Variants in LRMDA observed in about 807,000 individuals in gnomAD.
LRMDA encodes the protein leucine rich melanocyte differentiation associated, also known as leucine-rich melanocyte differentiation-associated protein.
Under a neutral mutation model 29.8 loss-of-function variants are expected in LRMDA, and 18 were observed. The observed-to-expected ratio is 0.60, with a 90% confidence interval of 0.42 to 0.90. The LOEUF (loss-of-function observed/expected upper bound fraction) is 0.90. Ranked by LOEUF, LRMDA falls within the 40% of genes least tolerant of loss-of-function variation. The pLI is 0.00. For synonymous variants in LRMDA, 125 were observed against 109.4 expected (o/e 1.14, Z -0.89); for missense variants, 273 against 273.9 (o/e 1.00, Z 0.02).
At chr10:76,072,582 A>G (rs1848892381) in intron 5 of LRMDA, among the ~76,000 whole-genome samples, 1 of 152,238 alleles carries the variant, frequency 6.6e-6, no homozygotes, top group South Asian at 2.1e-4. Context: ...CCACTTAGCC[A>G]GAGATCAGTG....
chr10:76,528,935 C>T (rs1843206110), intron 6 of LRMDA, among the ~76,000 whole-genome samples: 1 of 152,112 alleles, frequency 6.6e-6, no homozygotes, highest in African/African-American at 2.4e-5. Flanking sequence ...CTGCTATGCT[C>T]AACAGCATAG....
chr10:75,852,544 A>AC (rs1477554150), intron 2 of LRMDA, among the ~76,000 whole-genome samples: 1 of 149,536 alleles, frequency 6.7e-6, no homozygotes, highest in African/African-American at 2.4e-5. Context: ...AACAACAACA[A>AC]AAAAAACAAC....
intron 5 of LRMDA, among the ~76,000 whole-genome samples, chr10:76,250,352 T>G (rs1028491654): frequency 2.0e-5 from 3 of 152,210 alleles, no homozygotes; most frequent in Non-Finnish European, 4.4e-5. Context: ...ATTGAGTGGA[T>G]ATAATGGGAT....
intron 2 of LRMDA, among the ~76,000 whole-genome samples, chr10:75,540,527 T>C (rs1166577488): frequency 6.6e-6 from 1 of 152,238 alleles, no homozygotes; most frequent in Non-Finnish European, 1.5e-5. Flanking sequence ...TTATTTCCAC[T>C]TGGCTGGTTT....
chr10:75,875,413 T>C (rs1845179597), intron 2 of LRMDA, among the ~76,000 whole-genome samples: 2 of 152,160 alleles, frequency 1.3e-5, no homozygotes, highest in African/African-American at 2.4e-5. Flanking sequence ...CATTTGGCCA[T>C]TTCTTTCCTT....
chr10:75,794,857 T>C (rs1361229673), intron 2 of LRMDA, among the ~76,000 whole-genome samples: 1 of 152,228 alleles, frequency 6.6e-6, no homozygotes, highest in African/African-American at 2.4e-5. Context: ...TTTCAAATTT[T>C]TCTTCCAGTT....
At chr10:75,825,648 A>C (rs1277084597) in intron 2 of LRMDA, among the ~76,000 whole-genome samples, 3 of 152,222 alleles carry the variant, frequency 2.0e-5, no homozygotes, top group African/African-American at 7.2e-5. Context: ...TCTATTGCAC[A>C]TTGAACATGA....
chr10:76,398,732 G>C (rs1467818368), intron 6 of LRMDA, among the ~76,000 whole-genome samples: 2 of 152,194 alleles, frequency 1.3e-5, no homozygotes, highest in East Asian at 3.8e-4. Flanking sequence ...TTGAAAGTTT[G>C]CTGAGTTTCG....
At chr10:76,228,170 C>T (rs549876701) in intron 5 of LRMDA, among the ~76,000 whole-genome samples, 10 of 152,080 alleles carry the variant, frequency 6.6e-5, no homozygotes, top group South Asian at 2.1e-4. Flanking sequence ...TATAGGCACA[C>T]GCCACCACGC....
intron 2 of LRMDA, among the ~76,000 whole-genome samples, chr10:75,742,486 G>A (rs1042823805): frequency 1.3e-5 from 2 of 152,354 alleles, no homozygotes; most frequent in African/African-American, 4.8e-5. Flanking sequence ...ACTTGAATAG[G>A]TGTGCTGTGG....
chr10:75,917,961 GCACACACA>G lies in LRMDA; in HGVS notation c.132-118030_132-118023del, dbSNP rs10552979. On this transcript the variant is annotated intron_variant, in intron 2 of 6. Coordinates refer to ENST00000611255, the MANE Select transcript of LRMDA (RefSeq NM_001305581.2). ...TGCACACCCACACATGCACATGTGC[GCACACACA>G]CACACACACACACACAGGCCTGGCA... Among the ~76,000 whole-genome samples, 44 of 150,034 alleles carry G rather than the reference GCACACACA, an allele frequency of 2.9e-4. 1 individual carries two copies. Among genetic ancestry groups the G allele is most frequent in the Admixed American group, 7.3e-4 (11 of 15,068 alleles).
intron 5 of LRMDA, among the ~76,000 whole-genome samples, chr10:76,201,057 T>C (rs1851417876): frequency 6.8e-6 from 1 of 146,944 alleles, no homozygotes; most frequent in Non-Finnish European, 1.5e-5. Flanking sequence ...CCCATATTAT[T>C]AGTATTATTA....
chr10:76,335,290 C>G lies in LRMDA; in HGVS notation c.601+10805C>G, dbSNP rs1175147832. ...ATCTGGCTTTGCAGAGTGTAGTGCT[C>G]TCATATGTCTCCCACATGAGGATTT... On this transcript the variant is annotated intron_variant, in intron 6 of 6. Coordinates refer to ENST00000611255, the MANE Select transcript of LRMDA (RefSeq NM_001305581.2). 4.6e-5 allele frequency among the ~76,000 whole-genome samples: 7 copies of G among 152,274 alleles called. No individual in the cohort carries two copies. In the East Asian group the frequency reaches 1.4e-3, roughly 29 times the overall value.
intron 2 of LRMDA, among the ~76,000 whole-genome samples, chr10:75,629,903 C>G (rs1841301660): frequency 1.3e-5 from 2 of 152,198 alleles, no homozygotes; most frequent in Non-Finnish European, 1.5e-5. Context: ...GCAAAACTTT[C>G]AAGGCCTGAA....
chr10:76,238,456 T>A (rs917514578), intron 5 of LRMDA, among the ~76,000 whole-genome samples: 1 of 152,078 alleles, frequency 6.6e-6, no homozygotes, highest in South Asian at 2.1e-4. Context: ...TGCCCTTACA[T>A]TGAAGGAATA....
At chr10:75,878,366 G>T (rs1340270209) in intron 2 of LRMDA, among the ~76,000 whole-genome samples, 1 of 151,890 alleles carries the variant, frequency 6.6e-6, no homozygotes, top group Non-Finnish European at 1.5e-5. Context: ...GGTGGATGGG[G>T]AGCCAGAAGG....
intron 2 of LRMDA, among the ~76,000 whole-genome samples, chr10:75,699,654 C>T (rs1478781302): frequency 6.6e-6 from 1 of 152,166 alleles, no homozygotes; most frequent in African/African-American, 2.4e-5. Flanking sequence ...TGATTTAATA[C>T]ACTCATCTAC....
chr10:76,525,661 T>C (rs1843167417), intron 6 of LRMDA, among the ~76,000 whole-genome samples: 1 of 152,180 alleles, frequency 6.6e-6, no homozygotes, highest in Non-Finnish European at 1.5e-5. Flanking sequence ...CTATTTTTTT[T>C]GTTAGTCAGT....
chr10:75,542,954 G>A (rs1173109265), intron 2 of LRMDA, among the ~76,000 whole-genome samples: 1 of 152,210 alleles, frequency 6.6e-6, no homozygotes, highest in East Asian at 1.9e-4. Flanking sequence ...ACACCGAGGA[G>A]TGACACAACA....
Sources: gnomAD v4.1 joint callset for allele counts (sites outside exome capture counted in the v4.1 genomes callset) on GRCh38, gnomAD v4.1.1 for gene constraint, MANE v1.5 for transcripts, NCBI Gene and HGNC (gene_info 2026-07-23, HGNC 2026-07-21) for gene names.